The following MTUS2 variants were observed in gnomAD, a reference collection of about 807,000 sequenced individuals.
The protein encoded by MTUS2 is microtubule-associated tumor suppressor candidate 2.
A neutral mutation model predicts 114.1 loss-of-function variants in MTUS2; 40 were observed. The ratio of observed to expected loss-of-function variants is 0.35; its 90% CI spans 0.27 to 0.46. MTUS2 has a LOEUF of 0.46. Among genes scored for constraint, MTUS2 ranks in the 20% least tolerant of loss-of-function variants. MTUS2 has a pLI of 1.00. For synonymous variants in MTUS2, 688 were observed against 672.0 expected, an observed-to-expected ratio of 1.02 and a Z score of -0.37; for missense variants, 1,679 against 1,705.4, an observed-to-expected ratio of 0.98 and a Z score of 0.27.
intron 4 of MTUS2, among the ~76,000 whole-genome samples, chr13:29,073,527 AGGCG>A (rs141691490): frequency 0.69 from 87,390 of 127,440 alleles, 25,435 homozygotes; most frequent in Non-Finnish European, 0.71. Flanking sequence ...GGTTAGTGAA[AGGCG>A]GGTGTGTGTG....
At chr13:29,000,526 G>C (rs970861410) in intron 2 of MTUS2, among the ~76,000 whole-genome samples, 2 of 151,200 alleles carry the variant, frequency 1.3e-5, no homozygotes, top group Non-Finnish European at 1.5e-5. Context: ...CCACACCCGG[G>C]TAATTTTTTT....
chr13:29,459,238 G>A (rs372892688), intron 9 of MTUS2, among the ~76,000 whole-genome samples: 1 of 152,046 alleles, frequency 6.6e-6, no homozygotes, highest in Non-Finnish European at 1.5e-5. Context: ...GGACGGCGGG[G>A]GTATTTAAAA....
Position 29,117,326 on chromosome 13 carries a change from AC to A in MTUS2, c.2644+16358del, listed in dbSNP as rs1310201661. On this transcript the variant is annotated intron_variant, in intron 5 of 15. Transcript: ENST00000612955. ...GTTAAGCATGCCCTGCCCTGGCCTGACCAGGTGCTGGACCCCTGTCATTCTT... is the reference window on the plus strand; with the variant it reads ...GTTAAGCATGCCCTGCCCTGGCCTGACAGGTGCTGGACCCCTGTCATTCTT... Among the ~76,000 whole-genome samples the A allele has an allele frequency of 9.9e-5, 15 of 152,282 alleles. 3 individuals are homozygous for A. The highest frequency in any genetic ancestry group is 9.2e-4 in the Admixed American group (14 of 15,298).
Position 29,480,597 on chromosome 13 carries a change from T to C in MTUS2, c.3399+233T>C, listed in dbSNP as rs951680137. 6.6e-6 allele frequency among the ~76,000 whole-genome samples: 1 copy of C among 152,172 alleles called. No homozygotes were observed. The highest frequency in any genetic ancestry group is 2.4e-5 in the African/African-American group (1 of 41,442). On this transcript the variant is annotated intron_variant, in intron 10 of 15. Transcript: ENST00000612955. This position sits in a 1 kb window ranked among gnomAD's most constrained non-coding sequence, Gnocchi z 4.4. ...TTGCTGTGCCCTCTGCCTGGAATGCTCTCCCTCTAGACAGTGCATGGCTGC... is the reference window on the plus strand; with the variant it reads ...TTGCTGTGCCCTCTGCCTGGAATGCCCTCCCTCTAGACAGTGCATGGCTGC...
chr13:29,388,561 A>G (rs1279844537), intron 8 of MTUS2, among the ~76,000 whole-genome samples: 33 of 151,958 alleles, frequency 2.2e-4, no homozygotes, highest in Admixed American at 2.2e-3. Flanking sequence ...CAACTTAACA[A>G]ACAGCTGAAA....
At chr13:29,369,262 C>T (rs567554184) in intron 8 of MTUS2, among the ~76,000 whole-genome samples, 3 of 152,126 alleles carry the variant, frequency 2.0e-5, no homozygotes, top group Admixed American at 6.6e-5. Context: ...CGTTTCAGCC[C>T]GTAGAGAAGC....
At chr13:29,019,214 G>A (rs935542810) in intron 2 of MTUS2, among the ~76,000 whole-genome samples, 6 of 152,150 alleles carry the variant, frequency 3.9e-5, no homozygotes, top group Admixed American at 2.0e-4. Context: ...ACACACAGTG[G>A]CTGCAGGGAC....
At chr13:29,089,687 G>A (rs1333035616) in intron 4 of MTUS2, among the ~76,000 whole-genome samples, 1 of 152,170 alleles carries the variant, frequency 6.6e-6, no homozygotes, top group African/African-American at 2.4e-5. Context: ...ATTCAAAGGA[G>A]CGGTGTTCAA....
chr13:29,337,045 G>C (rs1478517889), intron 7 of MTUS2, among the ~76,000 whole-genome samples: 3 of 152,206 alleles, frequency 2.0e-5, no homozygotes, highest in Non-Finnish European at 2.9e-5. Flanking sequence ...CTGGCAGCGA[G>C]AATTTCAAGC....
intron 8 of MTUS2, among the ~76,000 whole-genome samples, chr13:29,439,410 A>G (rs1031074568): frequency 6.6e-6 from 1 of 152,166 alleles, no homozygotes; most frequent in African/African-American, 2.4e-5. Context: ...TCATCTATTG[A>G]TGCTGACAGT....
chr13:28,830,058 G>A (rs926742312), intron 1 of MTUS2, among the ~76,000 whole-genome samples: 7 of 152,200 alleles, frequency 4.6e-5, no homozygotes, highest in African/African-American at 4.8e-5. Flanking sequence ...TCTCTGTACC[G>A]TCATTAGCTG....
chr13:29,452,908 T>C (rs1019655515), intron 9 of MTUS2, among the ~76,000 whole-genome samples: 6 of 152,148 alleles, frequency 3.9e-5, no homozygotes, highest in Non-Finnish European at 8.8e-5. Flanking sequence ...AAATCTAATA[T>C]TTAAATAGTG....
At chr13:28,995,862 T>A (rs999423526) in intron 2 of MTUS2, among the ~76,000 whole-genome samples, 5 of 152,208 alleles carry the variant, frequency 3.3e-5, no homozygotes, top group African/African-American at 9.7e-5. Flanking sequence ...TTTCACTTCC[T>A]CTTTTCCTAA....
At chr13:28,938,882 C>T (rs1455521547) in intron 2 of MTUS2, among the ~76,000 whole-genome samples, 1 of 151,964 alleles carries the variant, frequency 6.6e-6, no homozygotes, top group Non-Finnish European at 1.5e-5. Flanking sequence ...TAAAAGTGAA[C>T]ATCGTTTAAT....
At chr13:29,492,543 C>A in intron 11 of MTUS2, 103 bp from the exon 12 acceptor site, 1 of 839,112 alleles carries the variant, frequency 1.2e-6, no homozygotes, top group South Asian at 1.6e-5. Context: ...ATACGGGAGT[C>A]ATTTATTTAC....
chr13:29,193,060 T>G (rs1894511946), intron 5 of MTUS2, among the ~76,000 whole-genome samples: 1 of 152,168 alleles, frequency 6.6e-6, no homozygotes, highest in Admixed American at 6.5e-5. Context: ...ACATTTACAT[T>G]TTAGGTCAAT....
At chr13:28,974,731 G>T (rs564933855) in intron 2 of MTUS2, among the ~76,000 whole-genome samples, 1 of 152,062 alleles carries the variant, frequency 6.6e-6, no homozygotes. Context: ...TACCAGTTTT[G>T]TGTTATTTTC....
intron 7 of MTUS2, among the ~76,000 whole-genome samples, chr13:29,350,770 TCTTC>T (rs1474982282): frequency 2.0e-5 from 3 of 151,844 alleles, no homozygotes; most frequent in Non-Finnish European, 2.9e-5. Context: ...GTGAGGGCCC[TCTTC>T]CTTGTTTGCA....
At chr13:29,335,333 C>G (rs1901001186) in intron 7 of MTUS2, among the ~76,000 whole-genome samples, 1 of 152,148 alleles carries the variant, frequency 6.6e-6, no homozygotes, top group African/African-American at 2.4e-5. Flanking sequence ...TTTGGTCAGA[C>G]CGGTTGTCTG....
Sources: gnomAD v4.1 joint callset for allele counts (sites outside exome capture counted in the v4.1 genomes callset) on GRCh38, gnomAD v4.1.1 for gene constraint, Gnocchi (gnomAD v3.1) non-coding constraint, MANE v1.5 for transcripts, NCBI Gene and HGNC (gene_info 2026-07-23, HGNC 2026-07-21) for gene names.